Variants in LTBP1 observed in about 807,000 individuals in gnomAD.
LTBP1 encodes the protein latent-transforming growth factor beta-binding protein 1.
A neutral mutation model predicts 207.6 loss-of-function variants in LTBP1; 129 were observed. The ratio of observed to expected loss-of-function variants is 0.62; its 90% CI spans 0.54 to 0.72. The LOEUF is 0.72. Among genes scored for constraint, LTBP1 ranks in the 30% least tolerant of loss-of-function variants. The probability of loss-of-function intolerance (pLI) is 0.00; values close to 1 mark genes in which losing one functional copy is unlikely to be tolerated. For missense variants in LTBP1, 2,281 were observed against 2,217.2 expected (o/e 1.03, Z -0.58); for synonymous variants, 963 against 833.7 (o/e 1.16, Z -2.67).
intron 3 of LTBP1, among the ~76,000 whole-genome samples, chr2:33,069,450 T>C (rs988042432): frequency 6.6e-6 from 1 of 152,198 alleles, no homozygotes; most frequent in African/African-American, 2.4e-5. Flanking sequence ...TGTTGTCTCC[T>C]AGGAGGGCAA....
At chr2:33,381,977 G>T (rs1382739742) in intron 31 of LTBP1, among the ~76,000 whole-genome samples, 1 of 148,260 alleles carries the variant, frequency 6.7e-6, no homozygotes, top group Non-Finnish European at 1.5e-5. Flanking sequence ...CAAAAGTAGT[G>T]TCTGGTGCGT....
intron 5 of LTBP1, among the ~76,000 whole-genome samples, chr2:33,155,888 C>G (rs2083934929): frequency 6.6e-6 from 1 of 152,116 alleles, no homozygotes. Flanking sequence ...AATAAAGGTA[C>G]CAAATTCTTC....
rs143852885 is a variant in LTBP1, at chr2:33,314,208, G to C, written c.3605-936G>C. 3.3e-3 allele frequency among the ~76,000 whole-genome samples: 509 copies of C among 152,200 alleles called. 3 individuals are homozygous for C. The highest frequency in any genetic ancestry group is 0.012 in the African/African-American group (487 of 41,510). On this transcript the variant is annotated intron_variant, in intron 23 of 33. Transcript: ENST00000404816. ...TAGGCACTGCCCTGAGCCCTCATTCGCTGATTTCATCATCGGAAACCATGC... is the reference window on the plus strand; with the variant it reads ...TAGGCACTGCCCTGAGCCCTCATTCCCTGATTTCATCATCGGAAACCATGC...
At chr2:33,130,038 A>G (rs945468049) in intron 4 of LTBP1, among the ~76,000 whole-genome samples, 2 of 152,208 alleles carry the variant, frequency 1.3e-5, no homozygotes, top group African/African-American at 4.8e-5. Flanking sequence ...CATTATTTTA[A>G]TAGTCCAGGA....
chr2:33,098,563 G>C (rs2079524460), intron 3 of LTBP1, among the ~76,000 whole-genome samples: 1 of 151,846 alleles, frequency 6.6e-6, no homozygotes, highest in African/African-American at 2.4e-5. Flanking sequence ...CTCCTGAGCA[G>C]CTTGGACTAC....
chr2:33,122,424 G>C (rs1225091212), intron 4 of LTBP1, among the ~76,000 whole-genome samples: 1 of 152,144 alleles, frequency 6.6e-6, no homozygotes, highest in Non-Finnish European at 1.5e-5. Flanking sequence ...TCACCTTCTG[G>C]CCACAGTGGA....
chr2:33,259,047 G>C (rs539979101), intron 12 of LTBP1, among the ~76,000 whole-genome samples: 6 of 152,026 alleles, frequency 3.9e-5, no homozygotes, highest in Non-Finnish European at 8.8e-5. Context: ...ATTCTTTTTC[G>C]TAATTTAGTT....
intron 7 of LTBP1, among the ~76,000 whole-genome samples, chr2:33,209,782 A>G (rs753155415): frequency 6.6e-6 from 1 of 152,206 alleles, no homozygotes; most frequent in Non-Finnish European, 1.5e-5. Context: ...CCAGGTTTTT[A>G]AAGGAGGAGC....
At chr2:33,316,863 G>A (rs746852257) in intron 24 of LTBP1, among the ~76,000 whole-genome samples, 3 of 152,134 alleles carry the variant, frequency 2.0e-5, no homozygotes, top group South Asian at 2.1e-4. Flanking sequence ...CTAGAAGGAT[G>A]CAGGTTTGCT....
At chr2:33,340,550 CA>C (rs2094606615) in intron 24 of LTBP1, among the ~76,000 whole-genome samples, 1 of 152,090 alleles carries the variant, frequency 6.6e-6, no homozygotes, top group African/African-American at 2.4e-5. Context: ...ACTCGGAGGT[CA>C]GGGGTGACTG....
At chr2:33,245,745 T>C (rs2092488055) in intron 10 of LTBP1, among the ~76,000 whole-genome samples, 1 of 152,236 alleles carries the variant, frequency 6.6e-6, no homozygotes, top group Non-Finnish European at 1.5e-5. Flanking sequence ...GTTAAATCAT[T>C]TTATAATTTA....
At chr2:33,161,092 G>T (rs1246927369) in intron 5 of LTBP1, among the ~76,000 whole-genome samples, 1 of 152,130 alleles carries the variant, frequency 6.6e-6, no homozygotes, top group African/African-American at 2.4e-5. Flanking sequence ...AATACTACAT[G>T]TCTCAGAATC....
Position 32,969,089 on chromosome 2 carries a change from C to G in LTBP1, c.565+20144C>G, listed in dbSNP as rs1680439627. Among the ~76,000 whole-genome samples, 5 of 151,890 alleles carry G rather than the reference C, an allele frequency of 3.3e-5. No homozygotes were observed. In the South Asian group the frequency reaches 8.4e-4, roughly 25 times the overall value. On this transcript the variant is annotated intron_variant, in intron 2 of 33. Transcript: ENST00000404816. ...TACAGGTGCCCGCCACCATGCCTGG[C>G]TAATTTTTGTATTTTTAGTAGAGAT...
At chr2:33,153,758 A>AT (rs1233058360) in intron 5 of LTBP1, among the ~76,000 whole-genome samples, 2 of 152,120 alleles carry the variant, frequency 1.3e-5, no homozygotes, top group Non-Finnish European at 2.9e-5. Flanking sequence ...AGCATCTTGA[A>AT]TTTTTTCTTC....
At chr2:33,189,733 A>G (rs1187529818) in intron 7 of LTBP1, among the ~76,000 whole-genome samples, 2 of 152,148 alleles carry the variant, frequency 1.3e-5, no homozygotes, top group African/African-American at 4.8e-5. Context: ...TTATTTTCTT[A>G]TAAAAATTCA....
chr2:33,123,980 C>G (rs893166630), intron 4 of LTBP1, among the ~76,000 whole-genome samples: 2 of 152,068 alleles, frequency 1.3e-5, no homozygotes, highest in Admixed American at 6.5e-5. Context: ...TAGGCAAGTG[C>G]AAAGTCAAGA....
rs754330792 is a variant in LTBP1 at position 33,309,521 on chromosome 2, A to T, written c.3569A>T (p.Asp1190Val). ...GGGTCCTATGATTGTACTTGTCCGG[A>T]TGGATTTCAGCTAGATGACAATAAA... ...TAGSYDCTCPDGFQLDDNKTC... is the reference protein window; with the variant it reads ...TAGSYDCTCPVGFQLDDNKTC... Residue 1190 changes from aspartate to valine, a missense_variant, in exon 23 of 34, where the codon GAT becomes GTT. Physicochemically the swap from Asp to Val is radical, Grantham distance 152. Around this residue, in one of 3 missense-constraint regions of LTBP1, gnomAD observed 1,671 missense variants for 1,634.8 expected, o/e 1.02. Coordinates refer to ENST00000404816, the MANE Select transcript of LTBP1 (RefSeq NM_206943.4). 3.7e-6 allele frequency: 6 copies of T among 1,610,116 alleles called. No homozygotes were observed. Among genetic ancestry groups the T allele is most frequent in the African/African-American group, 2.7e-5 (2 of 74,710 alleles).
intron 10 of LTBP1, among the ~76,000 whole-genome samples, chr2:33,250,302 A>G (rs2092646694): frequency 6.6e-6 from 1 of 152,242 alleles, no homozygotes; most frequent in African/African-American, 2.4e-5. Context: ...AATGTGAATC[A>G]TGAAAGCATC....
At chr2:33,108,015 A>G (rs529203627) in intron 3 of LTBP1, among the ~76,000 whole-genome samples, 1 of 152,354 alleles carries the variant, frequency 6.6e-6, no homozygotes, top group South Asian at 2.1e-4. Flanking sequence ...TAAAGAGGAT[A>G]TGTATTTGTA....
Sources: allele counts gnomAD v4.1 joint callset (sites outside exome capture counted in the v4.1 genomes callset), GRCh38; gene constraint gnomAD v4.1.1; regional missense constraint gnomAD v4.1.1; transcripts MANE v1.5; gene names NCBI Gene and HGNC (gene_info 2026-07-23, HGNC 2026-07-21).